The following NCOA2 variants were observed in gnomAD, a reference collection of about 807,000 sequenced individuals.
NCOA2 encodes the protein class E basic helix-loop-helix protein 75.
In NCOA2, 21 loss-of-function variants were observed where a neutral mutation model predicts 145.1. The observed-to-expected ratio is 0.14, with a 90% CI of 0.10 to 0.21. The LOEUF (loss-of-function observed/expected upper bound fraction) is 0.21. Among genes scored for constraint, NCOA2 ranks in the 10% least tolerant of loss-of-function variants. The probability of loss-of-function intolerance (pLI) is 1.00; values close to 1 mark genes in which losing one functional copy is unlikely to be tolerated. For synonymous variants in NCOA2, 619 were observed against 637.5 expected, an observed-to-expected ratio of 0.97 and a Z score of 0.44; for missense variants, 1,472 against 1,837.6, an observed-to-expected ratio of 0.80 and a Z score of 3.64.
chr8:70,160,659 C>CAGAGAGAGAGAGAGAGAGAGAGAGAGAG (rs776025101), intron 9 of NCOA2, among the ~76,000 whole-genome samples: 26 of 132,238 alleles, frequency 2.0e-4, no homozygotes, highest in Middle Eastern at 4.0e-3. Flanking sequence ...AAGTGAGAGA[C>CAGAGAGAGAGAGAGAGAGAGAGAGAGAG]AGAGAGAGAG....
intron 2 of NCOA2, among the ~76,000 whole-genome samples, chr8:70,220,909 A>C (rs769204251): frequency 2.0e-5 from 3 of 152,220 alleles, no homozygotes; most frequent in Non-Finnish European, 4.4e-5. Context: ...GCTGAACTCC[A>C]AACATAATAA....
chr8:70,368,340 CTTT>C, intron 1 of NCOA2, among the ~76,000 whole-genome samples: 1 of 152,194 alleles, frequency 6.6e-6, no homozygotes, highest in East Asian at 1.9e-4. Context: ...TAGGCTGGGA[CTTT>C]AACCAAGAGG....
chr8:70,391,018 C>G (rs895857376), intron 1 of NCOA2, among the ~76,000 whole-genome samples: 1 of 151,844 alleles, frequency 6.6e-6, no homozygotes, highest in African/African-American at 2.4e-5. Context: ...TAATAAGATC[C>G]TAAAGTAGGA....
rs752708572 is a variant in NCOA2, at chr8:70,157,182, G to A, written c.1183C>T (p.Leu395=). Residue 395 remains leucine, a synonymous_variant, in exon 11 of 23, where the codon CTG becomes TTG. Transcript: ENST00000452400. ...GGGCTGTTAGAGCTAATTGGATTCAGTGGCTTCCCCATCGTTTGTCCAGTC... is the reference window on the plus strand; with the variant it reads ...GGGCTGTTAGAGCTAATTGGATTCAATGGCTTCCCCATCGTTTGTCCAGTC... The part of the protein sequence containing the change: ...DLTGQTMGKP[L]NPISSNSPAH... 1.4e-5 allele frequency: 23 copies of A among 1,597,278 alleles called. No individual in the cohort carries two copies. The highest frequency in any genetic ancestry group is 1.3e-4 in the East Asian group (6 of 44,590).
At chr8:70,222,189 G>C (rs1048041420) in intron 2 of NCOA2, among the ~76,000 whole-genome samples, 2 of 152,130 alleles carry the variant, frequency 1.3e-5, no homozygotes, top group Non-Finnish European at 2.9e-5. Context: ...GAAAAATCTA[G>C]AATTTGTTTT....
intron 2 of NCOA2, among the ~76,000 whole-genome samples, chr8:70,281,716 G>A (rs1216266941): frequency 2.6e-5 from 4 of 152,108 alleles, no homozygotes; most frequent in Non-Finnish European, 5.9e-5. Context: ...GCAGCAGTCC[G>A]TGGCCAAGGG....
intron 3 of NCOA2, among the ~76,000 whole-genome samples, chr8:70,215,936 C>T (rs1310353616): frequency 6.6e-6 from 1 of 152,140 alleles, no homozygotes; most frequent in East Asian, 1.9e-4. Context: ...TCATATTAAC[C>T]CATAAAGAGC....
At chr8:70,441,804 GAAAGA>G in the NCOA2 span, among the ~76,000 whole-genome samples, 7,908 of 68,194 alleles carry the variant, frequency 0.12, 319 homozygotes, top group African/African-American at 0.17. Context: ...AAGAAAGAAA[GAAAGA>G]AAGAAAGAAG....
chr8:70,440,727 A>G, the NCOA2 span, among the ~76,000 whole-genome samples: 1 of 151,490 alleles, frequency 6.6e-6, no homozygotes, highest in Non-Finnish European at 1.5e-5. Context: ...AAAAAGAGGG[A>G]GAGAGAGAAA....
At chr8:70,223,773 A>G (rs569881189) in intron 2 of NCOA2, among the ~76,000 whole-genome samples, 1 of 152,346 alleles carries the variant, frequency 6.6e-6, no homozygotes, top group Admixed American at 6.5e-5. Context: ...AAGGCCACAC[A>G]GGAAGTCTTG....
the NCOA2 span, among the ~76,000 whole-genome samples, chr8:70,427,326 C>T: frequency 6.6e-6 from 1 of 152,156 alleles, no homozygotes; most frequent in Non-Finnish European, 1.5e-5. Context: ...AAAAGTTTTA[C>T]TTTAAAAAGG....
intron 1 of NCOA2, among the ~76,000 whole-genome samples, chr8:70,323,042 G>A (rs574446630): frequency 1.3e-5 from 2 of 152,286 alleles, no homozygotes; most frequent in African/African-American, 4.8e-5. Context: ...TATTTCCCCA[G>A]TACTTAAACA....
At chr8:70,311,138 C>G (rs1805083455) in intron 1 of NCOA2, among the ~76,000 whole-genome samples, 1 of 150,274 alleles carries the variant, frequency 6.7e-6, no homozygotes, top group Non-Finnish European at 1.5e-5. Context: ...TTAAGTGTGT[C>G]CAAGAAAAAT....
intron 3 of NCOA2, among the ~76,000 whole-genome samples, chr8:70,215,931 T>G (rs1263490601): frequency 2.0e-5 from 3 of 152,242 alleles, no homozygotes; most frequent in Admixed American, 2.0e-4. Context: ...TTTTTTCATA[T>G]TAACCCATAA....
At chr8:70,438,347 C>A in the NCOA2 span, among the ~76,000 whole-genome samples, 1 of 152,052 alleles carries the variant, frequency 6.6e-6, no homozygotes, top group African/African-American at 2.4e-5. Flanking sequence ...CTTTTTGGTC[C>A]ATTATATTTT....
At chr8:70,171,674 CT>C (rs1283544894) in intron 5 of NCOA2, among the ~76,000 whole-genome samples, 1 of 152,112 alleles carries the variant, frequency 6.6e-6, no homozygotes, top group African/African-American at 2.4e-5. Context: ...ACAATTTTAT[CT>C]TTTTTGGAGA....
At chr8:70,397,168 G>C (rs1813744714) in intron 1 of NCOA2, among the ~76,000 whole-genome samples, 1 of 152,156 alleles carries the variant, frequency 6.6e-6, no homozygotes, top group South Asian at 2.1e-4. Context: ...TTAGTCAAGA[G>C]CAAGAATGGG....
the NCOA2 span, among the ~76,000 whole-genome samples, chr8:70,420,707 C>T: frequency 1.3e-5 from 2 of 152,144 alleles, no homozygotes; most frequent in African/African-American, 2.4e-5. Flanking sequence ...AGTGCAGGCG[C>T]GATCTCTGCT....
At chr8:70,154,082 C>T (rs1315919318) in intron 11 of NCOA2, among the ~76,000 whole-genome samples, 2 of 152,188 alleles carry the variant, frequency 1.3e-5, no homozygotes, top group East Asian at 3.8e-4. Flanking sequence ...AACCCCAGAC[C>T]TGCCTCTGGG....
Sources: allele counts gnomAD v4.1 joint callset (sites outside exome capture counted in the v4.1 genomes callset), GRCh38; gene constraint gnomAD v4.1.1; transcripts MANE v1.5; gene names NCBI Gene and HGNC (gene_info 2026-07-23, HGNC 2026-07-21).